TATDN2: variants seen among roughly 807,000 people sequenced by gnomAD.
The protein encoded by TATDN2 is 3'-5' RNA nuclease TATDN2.
A neutral mutation model predicts 60.3 loss-of-function variants in TATDN2; 44 were observed. The observed-to-expected ratio is 0.73, with a 90% CI of 0.57 to 0.94. TATDN2 has a LOEUF of 0.94. Ranked by LOEUF, TATDN2 falls within the 40% of genes least tolerant of loss-of-function variation. The pLI is 0.00. For synonymous variants in TATDN2, 399 were observed against 355.8 expected (o/e 1.12, Z -1.37); for missense variants, 997 against 948.0 (o/e 1.05, Z -0.68).
At chr3:10,262,524 G>A (rs1349264390) in intron 3 of TATDN2, among the ~76,000 whole-genome samples, 1 of 131,510 alleles carries the variant, frequency 7.6e-6, no homozygotes, top group Non-Finnish European at 1.6e-5. Context: ...CTTTTCTTCT[G>A]GGCTTTTTTT....
intron 4 of TATDN2, among the ~76,000 whole-genome samples, chr3:10,271,904 T>C (rs1029068378): frequency 1.2e-4 from 18 of 150,674 alleles, no homozygotes; most frequent in African/African-American, 4.4e-4. Flanking sequence ...AATTTTTGTA[T>C]TTTTAGTAGA....
intron 1 of TATDN2, 44 bp from the exon 2 acceptor site, chr3:10,249,151 C>T: frequency 6.8e-7 from 1 of 1,480,488 alleles, no homozygotes; most frequent in Non-Finnish European, 9.0e-7. Context: ...GGTGGGGTCG[C>T]CAGGAAGGGT....
At chr3:10,275,625 A>T (rs1011640104) in intron 4 of TATDN2, among the ~76,000 whole-genome samples, 1 of 152,180 alleles carries the variant, frequency 6.6e-6, no homozygotes, top group Non-Finnish European at 1.5e-5. Flanking sequence ...GCCTGCCTGT[A>T]ATACCAGCTA....
rs754978040 is a variant in TATDN2, at chr3:10,253,366, A to G, written c.414+3752A>G. On this transcript the variant is annotated intron_variant, in intron 2 of 7. Transcript: ENST00000448281. ...CCCTTCTCCCACCAGCCTTTAACAC[A>G]TCTTTCTCTGTGCCAGGTCACAGAA... 1.8e-4 allele frequency among the ~76,000 whole-genome samples: 27 copies of G among 152,228 alleles called. 2 individuals are homozygous for G. The Middle Eastern group carries it at 0.014, about 77-fold the overall frequency.
At chr3:10,258,595 A>T (rs996129463) in intron 2 of TATDN2, among the ~76,000 whole-genome samples, 1 of 150,770 alleles carries the variant, frequency 6.6e-6, no homozygotes, top group African/African-American at 2.4e-5. Flanking sequence ...CAGCCTCCTG[A>T]GTAAGTGGGA....
In TATDN2 at chr3:10,260,305, C is replaced by T; in HGVS notation, c.583C>T (p.Leu195=). The part of the protein sequence containing the change: ...MIYLKAIQGI[L]GKSMPKRKGE... The stretch of plus-strand genomic sequence containing the variant: ...CTACCTGAAGGCTATCCAGGGCATC[C>T]TGGGGAAATCGATGCCAAAAAGGAA... Residue 195 remains leucine, a synonymous_variant, in exon 3 of 8, where the codon CTG becomes TTG. Coordinates refer to ENST00000448281, the MANE Select transcript of TATDN2 (RefSeq NM_014760.4). 6.2e-7 allele frequency: 1 copy of T among 1,614,164 alleles called. No homozygotes were observed. Among genetic ancestry groups the T allele is most frequent in the Non-Finnish European group, 8.5e-7 (1 of 1,180,030 alleles).
At chr3:10,275,242 G>C (rs1174773125) in intron 4 of TATDN2, among the ~76,000 whole-genome samples, 3 of 152,050 alleles carry the variant, frequency 2.0e-5, no homozygotes, top group Non-Finnish European at 4.4e-5. Flanking sequence ...GCCTCCCAAA[G>C]TGCTGGGATT....
In TATDN2 at chr3:10,249,345, C is replaced by T. The variant is rs745973890; in HGVS notation, c.145C>T (p.Pro49Ser). 5.0e-6 allele frequency: 8 copies of T among 1,612,196 alleles called. No individual in the cohort carries two copies. The Admixed American group carries it at 1.0e-4, about 20-fold the overall frequency. Residue 49 changes from proline (P) to serine (S), a missense_variant, in exon 2 of 8, where the codon CCC becomes TCC. By Grantham distance (74) the Pro-to-Ser change is moderately conservative. Coordinates refer to ENST00000448281, the MANE Select transcript of TATDN2 (RefSeq NM_014760.4). ...GAGGTCTGCGTCGCGTTCTGGAGGG[C>T]CCAGCAGCCCCAAGCGCCTGAAAGC... is the stretch of plus-strand genomic sequence containing the variant. ...AQRSASRSGG[P>S]SSPKRLKAQK...
chr3:10,264,777 C>G (rs1367396464), intron 3 of TATDN2, among the ~76,000 whole-genome samples: 2 of 151,784 alleles, frequency 1.3e-5, no homozygotes, highest in Non-Finnish European at 2.9e-5. Context: ...CTCCCAGGTT[C>G]AAGCGATTCT....
At position 10,276,371 on chromosome 3, in the gene TATDN2, G is replaced by C; in HGVS notation, c.1844G>C (p.Arg615Thr). ...PVPEQHKVFE[R>T]QLQLAVSLKK... ...TGTGTCCTCTCCTAGGTATTTGAGA[G>C]ACAGCTGCAGCTGGCTGTGTCTCTA... The change falls in exon 5 of 8, where the codon AGA (arginine) becomes ACA (threonine). Residue 615 changes from arginine (R) to threonine (T), a missense_variant. Physicochemically the swap from Arg to Thr is moderately conservative, Grantham distance 71 (BLOSUM62 -1). Transcript: ENST00000448281. 6.2e-7 allele frequency: 1 copy of C among 1,613,896 alleles called. No homozygotes were observed. Among genetic ancestry groups the C allele is most frequent in the Non-Finnish European group, 8.5e-7 (1 of 1,179,912 alleles).
At chr3:10,271,076 G>A in intron 4 of TATDN2, 61 bp downstream of exon 4, 1 of 1,490,668 alleles carries the variant, frequency 6.7e-7, no homozygotes, top group Non-Finnish European at 8.9e-7. Flanking sequence ...GTTGAAGCCT[G>A]ACAATAAGGG....
At position 10,260,316 on chromosome 3, in the gene TATDN2, G is replaced by C; in HGVS notation, c.594G>C (p.Ser198=). ...CTATCCAGGGCATCCTGGGGAAATC[G>C]ATGCCAAAAAGGAAGGGAGAGGCTG... ...LKAIQGILGK[S]MPKRKGEAAT... Residue 198 remains serine, a synonymous_variant, in exon 3 of 8, where the codon TCG becomes TCC. Coordinates refer to ENST00000448281, the MANE Select transcript of TATDN2 (RefSeq NM_014760.4). 6.2e-7 allele frequency: 1 copy of C among 1,614,086 alleles called. No individual in the cohort carries two copies. The highest frequency in any genetic ancestry group is 8.5e-7 in the Non-Finnish European group (1 of 1,180,002).
chr3:10,253,678 C>T (rs558382473), intron 2 of TATDN2, among the ~76,000 whole-genome samples: 6 of 152,282 alleles, frequency 3.9e-5, no homozygotes, highest in African/African-American at 9.6e-5. Context: ...CTATGATTCT[C>T]GATGTTTGAT....
chr3:10,278,716 G>C lies in TATDN2; in HGVS notation c.2146-169G>C. 8.9e-7 allele frequency: 1 copy of C among 1,120,088 alleles called. No individual in the cohort carries two copies. The highest frequency in any genetic ancestry group is 1.3e-6 in the Non-Finnish European group (1 of 764,938). 69.4% of individuals were successfully genotyped at this position (1,120,088 alleles called of 1,614,324 possible). On this transcript the variant is annotated intron_variant, in intron 6 of 7. Coordinates refer to ENST00000448281, the MANE Select transcript of TATDN2 (RefSeq NM_014760.4). The surrounding 1 kb of genome is among the most constrained non-coding windows in gnomAD (Gnocchi z 4.7). ...GTAGTCCAAGGAAGCGTGGGACCCTGCTCACCCAGAGCCCCCATGACTAGG... is the reference window on the plus strand; with the variant it reads ...GTAGTCCAAGGAAGCGTGGGACCCTCCTCACCCAGAGCCCCCATGACTAGG...
In TATDN2 at chr3:10,260,539, A is replaced by C. The variant is rs1189295195; in HGVS notation, c.817A>C (p.Arg273=). Residue 273 remains arginine, a synonymous_variant, in exon 3 of 8, where the codon AGG becomes CGG. Coordinates refer to ENST00000448281, the MANE Select transcript of TATDN2 (RefSeq NM_014760.4). ...GCCAGAGAGGAGCAGCTTCTATGACAGGAGAGTAGTTATAGACCCTCAAGA... is the reference window on the plus strand; with the variant it reads ...GCCAGAGAGGAGCAGCTTCTATGACCGGAGAGTAGTTATAGACCCTCAAGA... The part of the protein sequence containing the change: ...TVPERSSFYD[R]RVVIDPQEKP... 1.2e-6 allele frequency: 2 copies of C among 1,614,186 alleles called. No homozygotes were observed. Among genetic ancestry groups the C allele is most frequent in the Non-Finnish European group, 1.7e-6 (2 of 1,180,024 alleles).
At chr3:10,267,064 C>T (rs1052790501) in intron 3 of TATDN2, among the ~76,000 whole-genome samples, 2 of 151,380 alleles carry the variant, frequency 1.3e-5, no homozygotes, top group African/African-American at 2.4e-5. Context: ...GGGTTACAGG[C>T]GTGCACAACC....
chr3:10,272,986 C>T (rs1698588615), intron 4 of TATDN2, among the ~76,000 whole-genome samples: 1 of 152,100 alleles, frequency 6.6e-6, no homozygotes, highest in African/African-American at 2.4e-5. Context: ...TGCAGTGACC[C>T]ATGATTATGC....
intron 2 of TATDN2, among the ~76,000 whole-genome samples, chr3:10,258,257 A>G (rs2125173509): frequency 6.6e-6 from 1 of 151,966 alleles, no homozygotes; most frequent in East Asian, 1.9e-4. Flanking sequence ...CAAGAAGCTT[A>G]TAATATAAGC....
chr3:10,276,556 C>T (rs1698640641), intron 5 of TATDN2, 68 bp downstream of exon 5: 8 of 1,578,852 alleles, frequency 5.1e-6, no homozygotes, highest in Middle Eastern at 3.4e-4. Flanking sequence ...ATGAGGACAG[C>T]AATGATCGTA....
Sources: allele counts gnomAD v4.1 joint callset (sites outside exome capture counted in the v4.1 genomes callset), GRCh38; gene constraint gnomAD v4.1.1; non-coding constraint Gnocchi (gnomAD v3.1); transcripts MANE v1.5; gene names NCBI Gene and HGNC (gene_info 2026-07-23, HGNC 2026-07-21).